MGA: variants seen among roughly 807,000 people sequenced by gnomAD.
MGA encodes MAX gene-associated protein.
A neutral mutation model predicts 261.1 loss-of-function variants in MGA; 40 were observed. The ratio of observed to expected loss-of-function variants is 0.15; its 90% CI spans 0.12 to 0.20. The LOEUF (loss-of-function observed/expected upper bound fraction) is 0.20. Among genes scored for constraint, MGA ranks in the 10% least tolerant of loss-of-function variants. The pLI, the probability that MGA is intolerant of heterozygous loss-of-function variation, is 1.00. For missense variants in MGA, 3,397 were observed against 3,630.5 expected, an observed-to-expected ratio of 0.94 and a Z score of 1.65; for synonymous variants, 1,302 against 1,290.6, an observed-to-expected ratio of 1.01 and a Z score of -0.19.
chr15:41,685,991 TGA>T (rs1482429331), intron 2 of MGA, among the ~76,000 whole-genome samples: 1 of 140,712 alleles, frequency 7.1e-6, no homozygotes, highest in Non-Finnish European at 1.5e-5. Flanking sequence ...GGTGACAGAG[TGA>T]GACTCTGTCT....
At chr15:41,660,622 A>G (rs1951535678) in intron 1 of MGA, 97 bp downstream of exon 1, 1 of 152,620 alleles carries the variant, frequency 6.6e-6, no homozygotes, top group African/African-American at 2.4e-5. Context: ...CGGCGTGAGA[A>G]ACGTTCCGCT....
chr15:41,764,888 A>G lies in MGA; in HGVS notation c.7747A>G (p.Asn2583Asp), dbSNP rs1427694625. The G allele has an allele frequency of 1.9e-6, 3 of 1,613,754 alleles. No homozygotes were observed. Among genetic ancestry groups the G allele is most frequent in the Non-Finnish European group, 2.5e-6 (3 of 1,179,800 alleles). ...CTAATTTCTGATCTTTCTTACAGAA[A>G]ATACCTCACCCTTGAACACTCCACA... The change falls in exon 23 of 24, where the codon AAT becomes GAT. Residue 2583 changes from asparagine (N) to aspartate (D), a missense_variant and splice_region_variant. Around this residue, in one of 9 missense-constraint regions of MGA, gnomAD observed 647 missense variants for 642.4 expected, o/e 1.01. Transcript: ENST00000219905.
chr15:41,735,503 C>T (rs926461933), intron 12 of MGA, among the ~76,000 whole-genome samples: 21 of 152,050 alleles, frequency 1.4e-4, no homozygotes, highest in African/African-American at 4.1e-4. Context: ...TTTGGGAGGC[C>T]GAGGCGGGTG....
At chr15:41,717,491 A>G (rs1281028332) in intron 9 of MGA, among the ~76,000 whole-genome samples, 1 of 152,226 alleles carries the variant, frequency 6.6e-6, no homozygotes, top group Admixed American at 6.5e-5. Context: ...TGGCAATATT[A>G]TGAACAACTT....
intron 9 of MGA, among the ~76,000 whole-genome samples, chr15:41,726,251 C>T (rs1007776475): frequency 6.6e-6 from 1 of 152,106 alleles, no homozygotes; most frequent in Admixed American, 6.5e-5. Flanking sequence ...CCCTGCCTCT[C>T]ACTGGTTGGA....
chr15:41,730,856 G>C (rs2061473870), intron 11 of MGA, among the ~76,000 whole-genome samples: 1 of 152,188 alleles, frequency 6.6e-6, no homozygotes, highest in Non-Finnish European at 1.5e-5. Context: ...CGAGCATTAA[G>C]TGTACTTCCA....
intron 17 of MGA, among the ~76,000 whole-genome samples, chr15:41,752,549 G>GTTTTT (rs35282917): frequency 2.1e-4 from 21 of 102,106 alleles, no homozygotes; most frequent in Admixed American, 3.7e-4. Flanking sequence ...AACCTTTAAA[G>GTTTTT]TTTTTTTTTT....
chr15:41,657,083 A>C (rs371609308), upstream of MGA, among the ~76,000 whole-genome samples: 14 of 152,088 alleles, frequency 9.2e-5, no homozygotes, highest in African/African-American at 2.9e-4. Flanking sequence ...CCCAGCCCAG[A>C]AAGTCTTAAA....
upstream of MGA, among the ~76,000 whole-genome samples, chr15:41,659,975 G>A (rs528876432): frequency 4.6e-5 from 7 of 152,344 alleles, no homozygotes; most frequent in Non-Finnish European, 8.8e-5. Flanking sequence ...GAAGACCTCA[G>A]ATTCATTTGA....
At chr15:41,755,447 T>G (rs1204900826) in intron 18 of MGA, among the ~76,000 whole-genome samples, 1 of 152,196 alleles carries the variant, frequency 6.6e-6, no homozygotes, top group Non-Finnish European at 1.5e-5. Flanking sequence ...TTAATGAGTT[T>G]AGTCTGGGAT....
At chr15:41,740,660 T>C (rs1396292283) in intron 14 of MGA, among the ~76,000 whole-genome samples, 3 of 152,236 alleles carry the variant, frequency 2.0e-5, no homozygotes, top group African/African-American at 7.2e-5. Context: ...TTCTGGCCTC[T>C]TGTTGAACTC....
chr15:41,682,267 A>G (rs1338278659), intron 2 of MGA, among the ~76,000 whole-genome samples: 1 of 151,986 alleles, frequency 6.6e-6, no homozygotes, highest in Non-Finnish European at 1.5e-5. Flanking sequence ...ACACATACAC[A>G]CACACGTACA....
intron 13 of MGA, among the ~76,000 whole-genome samples, chr15:41,738,343 C>T (rs1404543320): frequency 5.3e-5 from 8 of 152,012 alleles, no homozygotes; most frequent in African/African-American, 1.7e-4. Context: ...TGCAGTGAGC[C>T]GAGATCACGC....
chr15:41,747,710 G>A (rs1314735663), intron 15 of MGA, among the ~76,000 whole-genome samples: 1 of 152,060 alleles, frequency 6.6e-6, no homozygotes, highest in East Asian at 1.9e-4. Flanking sequence ...GAATGAAGTT[G>A]AAGCATAATT....
intron 15 of MGA, among the ~76,000 whole-genome samples, chr15:41,744,721 A>G (rs1215702259): frequency 2.6e-5 from 4 of 152,224 alleles, no homozygotes; most frequent in Non-Finnish European, 5.9e-5. Context: ...TCATGAAACA[A>G]TATAGTAGTT....
intron 1 of MGA, among the ~76,000 whole-genome samples, chr15:41,637,210 T>C (rs2056728129): frequency 6.6e-6 from 1 of 152,070 alleles, no homozygotes; most frequent in African/African-American, 2.4e-5. Flanking sequence ...GTGGAAAGAT[T>C]TGGGCAGTGA....
chr15:41,644,150 CATA>C (rs890693910), intron 1 of MGA, among the ~76,000 whole-genome samples: 3 of 151,986 alleles, frequency 2.0e-5, no homozygotes, highest in Non-Finnish European at 4.4e-5. Flanking sequence ...TCATATTTTA[CATA>C]ATAAGACATT....
Position 41,767,020 on chromosome 15 carries a change from G to A in MGA, c.8938G>A (p.Asp2980Asn). The A allele has an allele frequency of 6.2e-7, 1 of 1,613,986 alleles. No homozygotes were observed. Among genetic ancestry groups the A allele is most frequent in the East Asian group, 2.2e-5 (1 of 44,880 alleles). ...TGGCTTGGAGAACAGCAACAGCACA[G>A]ACACTTTGTGGAGGCCTATGCCAAA... is the stretch of plus-strand genomic sequence containing the variant. Residue 2980 changes from aspartate (D) to asparagine (N), a missense_variant, in exon 24 of 24, where the codon GAC becomes AAC. This residue lies in a region of MGA where 647 missense variants were observed against 642.4 expected (regional missense o/e 1.01). Transcript: ENST00000219905.
intron 2 of MGA, among the ~76,000 whole-genome samples, chr15:41,676,250 T>G (rs938431608): frequency 3.9e-5 from 6 of 152,206 alleles, no homozygotes; most frequent in Non-Finnish European, 8.8e-5. Context: ...TGGTGCAATC[T>G]TGGCTCACTG....
Sources: allele counts gnomAD v4.1 joint callset (sites outside exome capture counted in the v4.1 genomes callset), GRCh38; gene constraint gnomAD v4.1.1; regional missense constraint gnomAD v4.1.1; transcripts MANE v1.5; gene names NCBI Gene and HGNC (gene_info 2026-07-23, HGNC 2026-07-21).